FLNA: variants seen among roughly 807,000 people sequenced by gnomAD.
FLNA encodes the protein filamin A, also known as filamin-A.
Under a neutral mutation model 157.6 loss-of-function variants are expected in FLNA, and 7 were observed. The ratio of observed to expected loss-of-function variants is 0.04; its 90% CI spans 0.03 to 0.08. The LOEUF is 0.08. Ranked by LOEUF, FLNA falls within the 10% of genes least tolerant of loss-of-function variation. The probability of loss-of-function intolerance (pLI) is 1.00; values close to 1 mark genes in which losing one functional copy is unlikely to be tolerated. For missense variants in FLNA, 1,750 were observed against 2,398.4 expected, an observed-to-expected ratio of 0.73 and a Z score of 5.65; for synonymous variants, 1,103 against 1,060.8, an observed-to-expected ratio of 1.04 and a Z score of -0.77.
rs2067597052 is a variant in FLNA, at chrX:154,349,014, C to A, written c.7779G>T (p.Gly2593=). 2 of 1,209,090 alleles carry A rather than the reference C, an allele frequency of 1.7e-6. No individual in the cohort carries two copies. Among genetic ancestry groups the A allele is most frequent in the African/African-American group, 3.5e-5 (2 of 57,335 alleles). ...SKAGNNMLLV[G]VHGPRTPCEE... The stretch of plus-strand genomic sequence containing the variant: ...CGCAGGGGGTCCTTGGGCCATGAAC[C>A]CCCACCAGCAGCATGTTGTTGCCTG... Residue 2593 remains glycine (G), a synonymous_variant, in exon 48 of 48, where the codon GGG becomes GGT. Transcript: ENST00000369850.
chrX:154,351,815 G>A, intron 42 of FLNA, 69 bp downstream of exon 42: 1 of 1,172,801 alleles, frequency 8.5e-7, no homozygotes, highest in Admixed American at 2.2e-5. Context: ...AGGGCTATCT[G>A]TGCCAGCCCT....
At position 154,358,185 on chromosome X, in the gene FLNA, T is replaced by G. The variant is rs2067677072; in HGVS notation, c.4755+14A>C. ...CAGGCCCCCCTGCCTCCCCTGCCTG[T>G]GCCCGGAGCTCACCGTGATCTGGAC... is the stretch of plus-strand genomic sequence containing the variant. On this transcript the variant is annotated intron_variant, in intron 28 of 47. Coordinates refer to ENST00000369850, the MANE Select transcript of FLNA (RefSeq NM_001110556.2). The G allele has an allele frequency of 8.3e-7, 1 of 1,207,977 alleles. No individual in the cohort carries two copies. The highest frequency in any genetic ancestry group is 1.7e-5 in the African/African-American group (1 of 57,248).
chrX:154,349,578 G>A lies in FLNA; in HGVS notation c.7553-13C>T. The A allele has an allele frequency of 1.7e-6, 2 of 1,211,463 alleles. No homozygotes were observed. Among genetic ancestry groups the A allele is most frequent in the South Asian group, 1.8e-5 (1 of 57,053 alleles). ...ACGAGACGGGGGCCTGCAAGGCAGA[G>A]TGGGTGGGGCTAAGAGGTGGCTGTG... On this transcript the variant is annotated splice_polypyrimidine_tract_variant and intron_variant, in intron 46 of 47. Coordinates refer to ENST00000369850, the MANE Select transcript of FLNA (RefSeq NM_001110556.2).
At position 154,351,606 on chromosome X, in the gene FLNA, C is replaced by T. The variant is rs377274096; in HGVS notation, c.6998G>A (p.Arg2333His). The part of the protein sequence containing the change: ...VPVASPSGDA[R>H]RLTVSSLQES... ...CTGAAGGCTAGAAACAGTGAGGCGG[C>T]GGGCGTCGCCAGACGGAGAAGCCAC... Residue 2333 changes from arginine (R) to histidine (H), a missense_variant, in exon 43 of 48, where the codon CGC becomes CAC. By Grantham distance (29) the Arg-to-His change is conservative (BLOSUM62 0). Coordinates refer to ENST00000369850, the MANE Select transcript of FLNA (RefSeq NM_001110556.2). 48 of 1,204,031 alleles carry T rather than the reference C, an allele frequency of 4.0e-5. No homozygotes were observed. The African/African-American group carries it at 5.2e-4, about 13-fold the overall frequency.
chrX:154,349,586 G>A (rs1357531423), intron 46 of FLNA, 21 bp from the exon 47 acceptor site: 3 of 1,210,603 alleles, frequency 2.5e-6, no homozygotes, highest in East Asian at 3.0e-5. Context: ...GAGTGGGTGG[G>A]GCTAAGAGGT....
Position 154,365,140 on chromosome X carries a change from G to A in FLNA, c.1687C>T (p.Arg563Cys), listed in dbSNP as rs782477178. 24 of 1,210,097 alleles carry A rather than the reference G, an allele frequency of 2.0e-5. No individual in the cohort carries two copies. In the Admixed American group the frequency reaches 2.4e-4, roughly 12 times the overall value. Residue 563 changes from arginine to cysteine, a missense_variant, in exon 11 of 48, where the codon CGC becomes TGC. Transcript: ENST00000369850. ...TITWGGQNIG[R>C]SPFEVKVGTE... ...AGGGATGCCTGGGGGCCTCACCTGC[G>A]CCCGATGTTCTGACCACCCCACGTG... is the stretch of plus-strand genomic sequence containing the variant.
Position 154,353,989 on chromosome X carries a change from T to A in FLNA, c.5612A>T (p.Tyr1871Phe). Reference protein sequence around the residue: ...DYVNCGHVTAYGPGLTHGVVN... With the variant: ...DYVNCGHVTAFGPGLTHGVVN... ...TACTCCATGGGTGAGGCCAGGCCCATAGGCAGTGACATGGCCACAGTTGAC... is the reference window on the plus strand; with the variant it reads ...TACTCCATGGGTGAGGCCAGGCCCAAAGGCAGTGACATGGCCACAGTTGAC... Residue 1871 changes from tyrosine to phenylalanine, a missense_variant, in exon 35 of 48, where the codon TAT becomes TTT. Coordinates refer to ENST00000369850, the MANE Select transcript of FLNA (RefSeq NM_001110556.2). 4 of 1,211,492 alleles carry A rather than the reference T, an allele frequency of 3.3e-6. No individual in the cohort carries two copies. The highest frequency in any genetic ancestry group is 4.5e-6 in the Non-Finnish European group (4 of 895,097).
rs2067610359 is a variant in FLNA at position 154,350,436 on chromosome X, C to T, written c.7157-229G>A. ...ATTGGGACGGAAATCTTTTACAAGC[C>T]AAACCCAGGCCTTGCTGCCTCCTAA... On this transcript the variant is annotated intron_variant, in intron 44 of 47. Coordinates refer to ENST00000369850, the MANE Select transcript of FLNA (RefSeq NM_001110556.2). The T allele has an allele frequency of 6.6e-5, 29 of 437,830 alleles. No individual in the cohort carries two copies. The South Asian group carries it at 9.4e-4, about 14-fold the overall frequency. 36.1% of individuals were successfully genotyped at this position (437,830 alleles called of 1,213,427 possible).
chrX:154,357,694 A>T, intron 28 of FLNA, 71 bp from the exon 29 acceptor site: 1 of 972,194 alleles, frequency 1.0e-6, no homozygotes, highest in Non-Finnish European at 1.5e-6. Flanking sequence ...AGGCGCTCCC[A>T]GAGTGCCCAG....
intron 9 of FLNA, 135 bp from the exon 10 acceptor site, chrX:154,365,621 G>T: frequency 1.2e-6 from 1 of 800,640 alleles, no homozygotes; most frequent in Non-Finnish European, 1.8e-6. Flanking sequence ...GACAGAACTG[G>T]AAGGGACTGT....
Position 154,355,140 on chromosome X carries a change from C to T in FLNA, c.4970-68G>A, listed in dbSNP as rs782020123. 2,547 of 1,108,782 alleles carry T rather than the reference C, an allele frequency of 2.3e-3. 28 individuals carry two copies. The African/African-American group carries it at 0.04, about 17-fold the overall frequency. 91.4% of individuals were successfully genotyped at this position (1,108,782 alleles called of 1,213,427 possible). A position where few individuals can be genotyped will look rare whatever the true frequency, so the allele number is the denominator to read the frequency against. The stretch of plus-strand genomic sequence containing the variant: ...AGCTCGGGTTCAGGTTGTTCCCGTC[C>T]GCCTGCCGCCCACACAGGCCTCTCA... On this transcript the variant is annotated intron_variant, in intron 30 of 47. Coordinates refer to ENST00000369850, the MANE Select transcript of FLNA (RefSeq NM_001110556.2).
At position 154,349,848 on chromosome X, in the gene FLNA, G is replaced by T; in HGVS notation, c.7353C>A (p.Val2451=). 8.3e-7 allele frequency: 1 copy of T among 1,210,769 alleles called. No individual in the cohort carries two copies. The highest frequency in any genetic ancestry group is 1.8e-5 in the South Asian group (1 of 56,955). Residue 2451 remains valine, a synonymous_variant, in exon 46 of 48, where the codon GTC becomes GTA. Coordinates refer to ENST00000369850, the MANE Select transcript of FLNA (RefSeq NM_001110556.2). ...GGVTGNPAEF[V]VNTSNAGAGA... is the part of the protein sequence containing the mutation. ...CAGCTCCCGCATTGCTCGTGTTCAC[G>T]ACGAACTCAGCTGGGTTCCCTGGGA...
intron 2 of FLNA, 141 bp downstream of exon 2, chrX:154,370,732 C>G (rs981920607): frequency 4.5e-6 from 3 of 668,947 alleles, no homozygotes; most frequent in Non-Finnish European, 6.5e-6. Context: ...TCTGCAGGCC[C>G]GCGTGGAGCA....
chrX:154,368,050 C>T lies in FLNA; in HGVS notation c.414G>A (p.Leu138=). The T allele has an allele frequency of 8.3e-7, 1 of 1,208,795 alleles. No individual in the cohort carries two copies. Among genetic ancestry groups the T allele is most frequent in the Non-Finnish European group, 1.1e-6 (1 of 893,193 alleles). The change falls in exon 3 of 48, where the codon CTG becomes CTA. Residue 138 remains leucine, a synonymous_variant. Transcript: ENST00000369850. ...AIVDGNLKLI[L]GLIWTLILHY... ...GCAGGATCAGGGTCCAGATGAGGCC[C>T]AGGATCAGCTTCAGGTTCCCGTCCA...
chrX:154,361,412 G>A lies in FLNA; in HGVS notation c.3103C>T (p.Pro1035Ser). 1 of 1,210,647 alleles carries A rather than the reference G, an allele frequency of 8.3e-7. No homozygotes were observed. The highest frequency in any genetic ancestry group is 1.7e-5 in the African/African-American group (1 of 57,654). The change falls in exon 21 of 48, where the codon CCC becomes TCC. Residue 1035 changes from proline (P) to serine (S), a missense_variant. By Grantham distance (74) the Pro-to-Ser change is moderately conservative. Around this residue, in one of 5 missense-constraint regions of FLNA, gnomAD observed 648 missense variants for 805.8 expected, o/e 0.80. Coordinates refer to ENST00000369850, the MANE Select transcript of FLNA (RefSeq NM_001110556.2). ...GADNSVVRFLPREEGPYEVEV... is the reference protein window; with the variant it reads ...GADNSVVRFLSREEGPYEVEV... ...ACCTCATAGGGCCCTTCCTCACGGG[G>A]CAGGAAGCGCACCACACTGTTGTCA...
Position 154,350,982 on chromosome X carries a change from C to G in FLNA, c.7083G>C (p.Lys2361Asn). 1 of 1,211,556 alleles carries G rather than the reference C, an allele frequency of 8.3e-7. No individual in the cohort carries two copies. Among genetic ancestry groups the G allele is most frequent in the Non-Finnish European group, 1.1e-6 (1 of 895,116 alleles). The change falls in exon 44 of 48, where the codon AAG becomes AAC. Residue 2361 changes from lysine to asparagine, a missense_variant. Lys to Asn is a moderately conservative substitution (Grantham distance 94). Around this residue, in one of 5 missense-constraint regions of FLNA, gnomAD observed 970 missense variants for 1,302.6 expected, o/e 0.74. Coordinates refer to ENST00000369850, the MANE Select transcript of FLNA (RefSeq NM_001110556.2). ...TGTGCACCTTGGCATCGATCGCCCC[C>G]TTGGCCCCGTTCAGGCTGACTGCAA... ...ASFAVSLNGA[K>N]GAIDAKVHSP...
rs781802154 is a variant in FLNA, at chrX:154,359,062, TG to T, written c.4395del (p.Asn1466ThrfsTer35). 8.3e-7 allele frequency: 1 copy of T among 1,211,330 alleles called. No homozygotes were observed. Among genetic ancestry groups the T allele is most frequent in the Admixed American group, 2.2e-5 (1 of 46,123 alleles). On this transcript the variant is annotated frameshift_variant, in exon 26 of 48. Coordinates refer to ENST00000369850, the MANE Select transcript of FLNA (RefSeq NM_001110556.2). LOFTEE classifies it high-confidence loss of function. ...TCCACCTGGAAGGACTGAGGGAGGT[TG>T]GCACGAACCATGCCTGGGCTCAGGC... is the stretch of plus-strand genomic sequence containing the variant. ...GPGLSPGMVR[A>X]NLPQSFQVDT... is the part of the protein sequence containing the mutation.
At chrX:154,350,591 A>C in intron 44 of FLNA, 1 of 380,536 alleles carries the variant, frequency 2.6e-6, no homozygotes, top group Non-Finnish European at 4.7e-6. Flanking sequence ...GGCTCCTCCT[A>C]CCCACAAGGC....
rs368441729 is a variant in FLNA at position 154,360,428 on chromosome X, A to C, written c.3367T>G (p.Ser1123Ala). 4.1e-6 allele frequency: 5 copies of C among 1,210,455 alleles called. No individual in the cohort carries two copies. In the African/African-American group the frequency reaches 8.7e-5, roughly 21 times the overall value. ...ECLDNGDGTC[S>A]VSYVPTEPGD... ...GGCTCGGTGGGCACGTAGGACACGGAACATGTGCCATCCCCATTGTCCAAG... is the reference window on the plus strand; with the variant it reads ...GGCTCGGTGGGCACGTAGGACACGGCACATGTGCCATCCCCATTGTCCAAG... The change falls in exon 22 of 48, where the codon TCC (serine) becomes GCC (alanine). Residue 1123 changes from serine to alanine, a missense_variant. Coordinates refer to ENST00000369850, the MANE Select transcript of FLNA (RefSeq NM_001110556.2).
Sources: gnomAD v4.1 joint callset for allele counts on GRCh38, gnomAD v4.1.1 for gene constraint, gnomAD v4.1.1 regional missense constraint, MANE v1.5 for transcripts, NCBI Gene and HGNC (gene_info 2026-07-23, HGNC 2026-07-21) for gene names.